Variants in ATOSA observed in about 807,000 individuals in gnomAD.
The protein encoded by ATOSA is atos homolog A.
chr15:52,629,842 A>G, the ATOSA span, among the ~76,000 whole-genome samples: 2 of 152,084 alleles, frequency 1.3e-5, no homozygotes, highest in African/African-American at 2.4e-5. Context: ...GACTAGAAGG[A>G]TAAGTAATTA....
the ATOSA span, among the ~76,000 whole-genome samples, chr15:52,661,974 A>C: frequency 4.3e-4 from 65 of 150,606 alleles, 1 homozygote; most frequent in East Asian, 0.011. Context: ...AGGAGTAATG[A>C]ATGATCAAAT....
the ATOSA span, among the ~76,000 whole-genome samples, chr15:52,667,627 C>T: frequency 1.6e-4 from 24 of 152,218 alleles, no homozygotes; most frequent in Non-Finnish European, 2.9e-4. Context: ...GTATAAATAC[C>T]ATTACCATGG....
At chr15:52,609,957 G>A in the ATOSA span, 11 of 1,612,790 alleles carry the variant, frequency 6.8e-6, no homozygotes, top group South Asian at 9.9e-5. Flanking sequence ...TACCACTAAA[G>A]CCTAGAATAT....
At chr15:52,677,953 G>A in the ATOSA span, 2 of 1,607,472 alleles carry the variant, frequency 1.2e-6, no homozygotes, top group Non-Finnish European at 1.7e-6. Context: ...CTAAATTGAG[G>A]CATAGAAAAG....
chr15:52,667,995 T>C, the ATOSA span, among the ~76,000 whole-genome samples: 5 of 152,200 alleles, frequency 3.3e-5, no homozygotes, highest in Non-Finnish European at 7.3e-5. Flanking sequence ...CGGAAAACAG[T>C]ATAGACATTC....
chr15:52,664,743 G>A, the ATOSA span, among the ~76,000 whole-genome samples: 1 of 152,180 alleles, frequency 6.6e-6, no homozygotes, highest in Non-Finnish European at 1.5e-5. Flanking sequence ...AGGAGTTCCA[G>A]ACCTCGGCAA....
chr15:52,667,626 C>T, the ATOSA span, among the ~76,000 whole-genome samples: 1 of 152,044 alleles, frequency 6.6e-6, no homozygotes, highest in African/African-American at 2.4e-5. Context: ...GGTATAAATA[C>T]CATTACCATG....
the ATOSA span, chr15:52,587,337 A>C: frequency 1.2e-6 from 1 of 831,342 alleles, no homozygotes; most frequent in Non-Finnish European, 1.8e-6. Flanking sequence ...ATGGAAAAAC[A>C]TTCATATTGA....
At chr15:52,629,030 A>C in the ATOSA span, among the ~76,000 whole-genome samples, 1 of 152,214 alleles carries the variant, frequency 6.6e-6, no homozygotes, top group Non-Finnish European at 1.5e-5. Context: ...GCCCTCGCCA[A>C]TTCAAATTCT....
At chr15:52,681,482 G>A in the ATOSA span, among the ~76,000 whole-genome samples, 9 of 152,042 alleles carry the variant, frequency 5.9e-5, no homozygotes, top group South Asian at 4.1e-4. Flanking sequence ...AATAGTTATC[G>A]CTTTCTTTTA....
At chr15:52,707,873 T>C in the ATOSA span, among the ~76,000 whole-genome samples, 1 of 152,188 alleles carries the variant, frequency 6.6e-6, no homozygotes, top group Non-Finnish European at 1.5e-5. Flanking sequence ...TGCTCAAAGA[T>C]ACAAAATGGT....
chr15:52,639,690 T>A, the ATOSA span, among the ~76,000 whole-genome samples: 18 of 152,356 alleles, frequency 1.2e-4, no homozygotes, highest in African/African-American at 4.3e-4. Flanking sequence ...TTTAACACTG[T>A]TATAATGCTA....
chr15:52,618,348 T>C, the ATOSA span, among the ~76,000 whole-genome samples: 31 of 152,222 alleles, frequency 2.0e-4, no homozygotes, highest in African/African-American at 7.2e-4. Context: ...CCAATTTTTC[T>C]TCACTCTTAA....
chr15:52,636,312 C>T, the ATOSA span, among the ~76,000 whole-genome samples: 1 of 151,974 alleles, frequency 6.6e-6, no homozygotes, highest in African/African-American at 2.4e-5. Flanking sequence ...ACAGTCATTG[C>T]ACCACCCTTT....
At chr15:52,701,069 G>C in the ATOSA span, among the ~76,000 whole-genome samples, 1 of 152,164 alleles carries the variant, frequency 6.6e-6, no homozygotes, top group East Asian at 1.9e-4. Flanking sequence ...AGGGGAGAGA[G>C]ACTATTCCTA....
the ATOSA span, among the ~76,000 whole-genome samples, chr15:52,621,275 A>C: frequency 6.6e-6 from 1 of 152,224 alleles, no homozygotes; most frequent in South Asian, 2.1e-4. Context: ...GTGGAATCAC[A>C]AGCATATATA....
the ATOSA span, among the ~76,000 whole-genome samples, chr15:52,689,428 A>G: frequency 1.3e-5 from 2 of 152,234 alleles, no homozygotes; most frequent in African/African-American, 2.4e-5. Flanking sequence ...AAATCCACAT[A>G]GCAAAGATGT....
the ATOSA span, among the ~76,000 whole-genome samples, chr15:52,663,946 G>A: frequency 1.3e-5 from 2 of 152,134 alleles, no homozygotes. Context: ...ATAGATATAC[G>A]TATCTACATA....
At chr15:52,630,791 C>G in the ATOSA span, among the ~76,000 whole-genome samples, 4 of 152,078 alleles carry the variant, frequency 2.6e-5, no homozygotes, top group African/African-American at 9.7e-5. Flanking sequence ...TGTTTATCGT[C>G]CATAGAATGA....
Sources: allele counts gnomAD v4.1 joint callset (sites outside exome capture counted in the v4.1 genomes callset), GRCh38; gene constraint gnomAD v4.1.1; transcripts MANE v1.5; gene names NCBI Gene and HGNC (gene_info 2026-07-23, HGNC 2026-07-21).